C12orf42: variants seen among roughly 807,000 people sequenced by gnomAD.
C12orf42 encodes the protein chromosome 12 open reading frame 42.
C12orf42 carries 25 observed loss-of-function variants against 21.6 expected under a neutral mutation model. The ratio of observed to expected loss-of-function variants is 1.16; its 90% CI spans 0.84 to 1.62. The LOEUF is 1.62. Ranked by LOEUF, C12orf42 falls within the 40% of genes most tolerant of loss-of-function variation. The probability of loss-of-function intolerance (pLI) is 0.00; values close to 1 mark genes in which losing one functional copy is unlikely to be tolerated. For missense variants in C12orf42, 483 were observed against 459.3 expected (o/e 1.05, Z -0.47); for synonymous variants, 174 against 175.0 (o/e 0.99, Z 0.05).
intron 4 of C12orf42, among the ~76,000 whole-genome samples, chr12:103,364,680 T>C (rs1329673120): frequency 2.0e-5 from 3 of 151,794 alleles, no homozygotes; most frequent in African/African-American, 7.2e-5. Context: ...AAATACAAAA[T>C]ATCATTCAAG....
chr12:103,459,133 A>G (rs1166448694), intron 2 of C12orf42, among the ~76,000 whole-genome samples: 1 of 152,146 alleles, frequency 6.6e-6, no homozygotes, highest in Admixed American at 6.5e-5. Flanking sequence ...AGTTGGCCAT[A>G]AGAGGGATCC....
At chr12:103,059,149 C>A in the C12orf42 span, among the ~76,000 whole-genome samples, 21 of 152,038 alleles carry the variant, frequency 1.4e-4, no homozygotes, top group Admixed American at 9.8e-4. Flanking sequence ...GGGATATCAC[C>A]ACTGATCCCA....
At chr12:103,315,988 A>G (rs2039445080) in intron 4 of C12orf42, among the ~76,000 whole-genome samples, 1 of 127,332 alleles carries the variant, frequency 7.9e-6, no homozygotes, top group Admixed American at 8.2e-5. Context: ...ATATATATAT[A>G]CACACACACA....
chr12:103,211,631 C>A, the C12orf42 span, among the ~76,000 whole-genome samples: 1 of 152,126 alleles, frequency 6.6e-6, no homozygotes, highest in African/African-American at 2.4e-5. Context: ...AGTTCTCCAG[C>A]CTTGAGAATC....
chr12:103,434,041 T>C (rs1007679839), intron 2 of C12orf42, among the ~76,000 whole-genome samples: 1 of 152,226 alleles, frequency 6.6e-6, no homozygotes, highest in Non-Finnish European at 1.5e-5. Context: ...AGGTTTTGTT[T>C]TATTTTTTTA....
intron 2 of C12orf42, among the ~76,000 whole-genome samples, chr12:103,417,086 T>G (rs1437328810): frequency 6.7e-6 from 1 of 149,396 alleles, no homozygotes; most frequent in Non-Finnish European, 1.5e-5. Context: ...ATACATAAAT[T>G]ATTCTCTTCA....
At chr12:103,224,831 G>T in the C12orf42 span, among the ~76,000 whole-genome samples, 2 of 152,148 alleles carry the variant, frequency 1.3e-5, no homozygotes, top group Non-Finnish European at 2.9e-5. Flanking sequence ...AGGCTACAGG[G>T]TGCAGTCCTG....
At chr12:103,450,956 A>C (rs150679074) in intron 2 of C12orf42, among the ~76,000 whole-genome samples, 9 of 152,164 alleles carry the variant, frequency 5.9e-5, no homozygotes, top group African/African-American at 2.2e-4. Flanking sequence ...AACTTCCTGG[A>C]CCTTTTATAC....
chr12:103,151,574 C>T, the C12orf42 span, among the ~76,000 whole-genome samples: 1 of 151,988 alleles, frequency 6.6e-6, no homozygotes, highest in Non-Finnish European at 1.5e-5. Context: ...ACATAGCAAA[C>T]TGGATCTAGT....
intron 4 of C12orf42, among the ~76,000 whole-genome samples, chr12:103,314,215 T>C (rs2039244828): frequency 6.6e-6 from 1 of 151,310 alleles, no homozygotes; most frequent in African/African-American, 2.4e-5. Flanking sequence ...AGGAGAGGTG[T>C]TGGGAGGGCA....
intron 4 of C12orf42, among the ~76,000 whole-genome samples, chr12:103,280,825 A>G (rs979010397): frequency 3.9e-5 from 6 of 152,204 alleles, no homozygotes; most frequent in African/African-American, 1.2e-4. Context: ...CAGCTCATGG[A>G]GTGAGAACTG....
chr12:103,048,865 T>C, the C12orf42 span, among the ~76,000 whole-genome samples: 1 of 152,200 alleles, frequency 6.6e-6, no homozygotes, highest in Admixed American at 6.5e-5. Flanking sequence ...TCTCAGGATA[T>C]GCCTCTTCCC....
At chr12:103,226,762 G>A in the C12orf42 span, among the ~76,000 whole-genome samples, 1 of 152,028 alleles carries the variant, frequency 6.6e-6, no homozygotes, top group South Asian at 2.1e-4. Context: ...AGGTCAGATG[G>A]GTCTGTAGAA....
At chr12:103,450,479 T>C (rs1951867245) in intron 2 of C12orf42, among the ~76,000 whole-genome samples, 1 of 152,122 alleles carries the variant, frequency 6.6e-6, no homozygotes, top group Non-Finnish European at 1.5e-5. Context: ...TTTTCTTTCA[T>C]TGGTTTTGAT....
intron 10 of C12orf42, among the ~76,000 whole-genome samples, chr12:103,238,704 A>AG (rs2033576534): frequency 6.6e-6 from 1 of 152,168 alleles, no homozygotes; most frequent in Non-Finnish European, 1.5e-5. Flanking sequence ...AGGAAAACAG[A>AG]GGGGAATGAA....
At chr12:103,434,755 C>G (rs563132601) in intron 2 of C12orf42, among the ~76,000 whole-genome samples, 2 of 152,222 alleles carry the variant, frequency 1.3e-5, no homozygotes, top group African/African-American at 4.8e-5. Context: ...GTCCTACGCC[C>G]ACGGACTCTT....
the C12orf42 span, among the ~76,000 whole-genome samples, chr12:103,149,885 T>C: frequency 1.3e-5 from 2 of 152,232 alleles, no homozygotes; most frequent in Non-Finnish European, 2.9e-5. Context: ...ATTCACTCTA[T>C]GTTCCTTGAT....
the C12orf42 span, among the ~76,000 whole-genome samples, chr12:103,178,934 T>C: frequency 3.4e-4 from 52 of 152,294 alleles, no homozygotes; most frequent in Middle Eastern, 3.4e-3. Context: ...AGTGTTTTGA[T>C]CTCCATGATG....
At chr12:103,233,829 A>G (rs1374665744), downstream of C12orf42, among the ~76,000 whole-genome samples, 1 of 152,164 alleles carries the variant, frequency 6.6e-6, no homozygotes, top group East Asian at 1.9e-4. Context: ...TTCTTATTGC[A>G]TTAGCTAGAA....
Sources: gnomAD v4.1 joint callset for allele counts (sites outside exome capture counted in the v4.1 genomes callset) on GRCh38, gnomAD v4.1.1 for gene constraint, MANE v1.5 for transcripts, NCBI Gene and HGNC (gene_info 2026-07-23, HGNC 2026-07-21) for gene names.